ENAM: variants seen among roughly 807,000 people sequenced by gnomAD.
ENAM encodes enamelin, also known as amelogenesis imperfecta 2, hypocalcification (autosomal dominant).
A neutral mutation model predicts 33.6 loss-of-function variants in ENAM; 21 were observed. That is an observed-to-expected ratio of 0.63 (90% CI 0.44 to 0.90). The LOEUF is 0.90. Ranked by LOEUF, ENAM falls within the 40% of genes least tolerant of loss-of-function variation. The pLI is 0.00. For synonymous variants in ENAM, 473 were observed against 468.4 expected (o/e 1.01, Z -0.13); for missense variants, 1,388 against 1,366.9 (o/e 1.02, Z -0.24).
At chr4:70,636,588 G>A (rs1738457096) in intron 7 of ENAM, among the ~76,000 whole-genome samples, 1 of 152,098 alleles carries the variant, frequency 6.6e-6, no homozygotes, top group Non-Finnish European at 1.5e-5. Flanking sequence ...GACCAACAAG[G>A]TGAAACCCCG....
At chr4:70,641,207 T>C (rs1348293390) in intron 8 of ENAM, among the ~76,000 whole-genome samples, 1 of 152,094 alleles carries the variant, frequency 6.6e-6, no homozygotes, top group Non-Finnish European at 1.5e-5. Flanking sequence ...GTGCATTCAG[T>C]TGGAGGTACT....
At position 70,644,238 on chromosome 4, in the gene ENAM, A is replaced by G; in HGVS notation, c.2812A>G (p.Lys938Glu). Reference protein sequence around the residue: ...ILPGQRNSSEKRESQNPFRDD... With the variant: ...ILPGQRNSSEERESQNPFRDD... ...ACCAGGCCAAAGAAACAGCTCAGAG[A>G]AGAGGGAAAGCCAAAACCCTTTTAG... Residue 938 changes from lysine to glutamate, a missense_variant, in exon 9 of 9, where the codon AAG becomes GAG. Coordinates refer to ENST00000396073, the MANE Select transcript of ENAM (RefSeq NM_031889.3). The G allele has an allele frequency of 6.2e-7, 1 of 1,614,170 alleles. No individual in the cohort carries two copies. The highest frequency in any genetic ancestry group is 1.1e-5 in the South Asian group (1 of 91,084).
chr4:70,629,001 G>T (rs1336531356), intron 1 of ENAM, 37 bp downstream of exon 1: 1 of 161,212 alleles, frequency 6.2e-6, no homozygotes, highest in Non-Finnish European at 1.4e-5. Context: ...ATTACATATA[G>T]TGTCAAATAA....
At position 70,644,727 on chromosome 4, in the gene ENAM, A is replaced by C. The variant is rs1738712294; in HGVS notation, c.3301A>C (p.Thr1101Pro). The C allele has an allele frequency of 6.2e-7, 1 of 1,614,038 alleles. No individual in the cohort carries two copies. Among genetic ancestry groups the C allele is most frequent in the Non-Finnish European group, 8.5e-7 (1 of 1,179,900 alleles). ...ENPNTLVELA[T>P]EEQFKSINVD... is the part of the protein sequence containing the mutation. Reference sequence around the variant, plus strand: ...TCCTAACACATTGGTTGAGTTAGCTACTGAGGAACAATTTAAGAGTATAAA... The same window carrying C: ...TCCTAACACATTGGTTGAGTTAGCTCCTGAGGAACAATTTAAGAGTATAAA... Residue 1101 changes from threonine (T) to proline (P), a missense_variant, in exon 9 of 9, where the codon ACT becomes CCT. Coordinates refer to ENST00000396073, the MANE Select transcript of ENAM (RefSeq NM_031889.3).
chr4:70,644,362 A>G lies in ENAM; in HGVS notation c.2936A>G (p.Gln979Arg), dbSNP rs781237163. The G allele has an allele frequency of 4.3e-6, 7 of 1,614,210 alleles. No individual in the cohort carries two copies. Among genetic ancestry groups the G allele is most frequent in the South Asian group, 1.1e-5 (1 of 91,080 alleles). ...IMPFPEASSL[Q>R]SKNTPCLKND... The stretch of plus-strand genomic sequence containing the variant: ...CCCTTTCCTGAAGCCAGTTCCCTTC[A>G]ATCAAAGAATACACCTTGTCTCAAA... Residue 979 changes from glutamine to arginine, a missense_variant, in exon 9 of 9, where the codon CAA becomes CGA. Coordinates refer to ENST00000396073, the MANE Select transcript of ENAM (RefSeq NM_031889.3).
At chr4:70,629,579 C>T in intron 2 of ENAM, 25 bp downstream of exon 2, 1 of 1,547,312 alleles carries the variant, frequency 6.5e-7, no homozygotes, top group South Asian at 1.1e-5. Context: ...TTATTTTTGC[C>T]AATACATACA....
In ENAM at chr4:70,640,680, C is replaced by T. The variant is rs565543856; in HGVS notation, c.589-1335C>T. Reference sequence around the variant, plus strand: ...CCCTCATGACAACCTATGAGGTAGACGTTATTTTATTATCATCTCCATATT... The same window carrying T: ...CCCTCATGACAACCTATGAGGTAGATGTTATTTTATTATCATCTCCATATT... On this transcript the variant is annotated intron_variant, in intron 8 of 8. Coordinates refer to ENST00000396073, the MANE Select transcript of ENAM (RefSeq NM_031889.3). Among the ~76,000 whole-genome samples, 5 of 152,150 alleles carry T rather than the reference C, an allele frequency of 3.3e-5. No homozygotes were observed. In the East Asian group the frequency reaches 5.8e-4, roughly 18 times the overall value.
rs763681329 is a variant in ENAM at position 70,644,525 on chromosome 4, C to T, written c.3099C>T (p.Ile1033=). The T allele has an allele frequency of 2.5e-6, 4 of 1,613,940 alleles. No individual in the cohort carries two copies. The highest frequency in any genetic ancestry group is 3.3e-5 in the Admixed American group (2 of 59,992). ...TPDEGSNPEG[I]QSQVQENESE... is the part of the protein sequence containing the mutation. ...ATGAAGGCTCCAATCCAGAAGGCAT[C>T]CAAAGTCAAGTCCAAGAAAATGAGA... Residue 1033 remains isoleucine, a synonymous_variant, in exon 9 of 9, where the codon ATC becomes ATT. Coordinates refer to ENST00000396073, the MANE Select transcript of ENAM (RefSeq NM_031889.3).
Position 70,643,351 on chromosome 4 carries a change from C to T in ENAM, c.1925C>T (p.Thr642Ile), listed in dbSNP as rs1577973158. The T allele has an allele frequency of 6.2e-7, 1 of 1,614,000 alleles. No individual in the cohort carries two copies. Among genetic ancestry groups the T allele is most frequent in the Non-Finnish European group, 8.5e-7 (1 of 1,179,956 alleles). The change falls in exon 9 of 9, where the codon ACC becomes ATC. Residue 642 changes from threonine (T) to isoleucine (I), a missense_variant. Physicochemically the swap from Thr to Ile is moderately conservative, Grantham distance 89. Coordinates refer to ENST00000396073, the MANE Select transcript of ENAM (RefSeq NM_031889.3). ...QKESPLYPIN[T>I]PDQKEIVPYN... ...GAAAGTCCACTCTACCCCATAAATA[C>T]CCCAGACCAGAAGGAGATAGTCCCT...
intron 1 of ENAM, 92 bp downstream of exon 1, chr4:70,629,056 C>T: frequency 6.0e-6 from 1 of 166,576 alleles, no homozygotes; most frequent in Admixed American, 5.7e-5. Context: ...TATTGCATTC[C>T]TTCTTGTTGG....
At position 70,632,515 on chromosome 4, in the gene ENAM, T is replaced by G. The variant is rs977539695; in HGVS notation, c.169-136T>G. On this transcript the variant is annotated intron_variant, in intron 4 of 8. Transcript: ENST00000396073. The stretch of plus-strand genomic sequence containing the variant: ...GTAGGAAAAGGTGATATGACTGTTG[T>G]GCATTAAAATCAGAAATTTTTACAC... 6.5e-6 allele frequency: 5 copies of G among 766,610 alleles called. No individual in the cohort carries two copies. In the Admixed American group the frequency reaches 8.7e-5, roughly 13 times the overall value. The allele number at this position is 766,610 out of a possible 1,614,324, so 47.5% of individuals were successfully genotyped here. A position where few individuals can be genotyped will look rare whatever the true frequency, so the allele number is the denominator to read the frequency against.
At chr4:70,630,282 G>A (rs1738277545) in intron 2 of ENAM, among the ~76,000 whole-genome samples, 2 of 152,104 alleles carry the variant, frequency 1.3e-5, no homozygotes, top group Non-Finnish European at 2.9e-5. Context: ...TGCTCCTATA[G>A]GAAGTAAACA....
intron 8 of ENAM, among the ~76,000 whole-genome samples, chr4:70,641,544 C>G (rs1738597858): frequency 6.6e-6 from 1 of 151,838 alleles, no homozygotes; most frequent in Non-Finnish European, 1.5e-5. Context: ...CGTGCACCAC[C>G]ATGCCCAGCT....
intron 2 of ENAM, among the ~76,000 whole-genome samples, chr4:70,631,432 C>G (rs1194692344): frequency 6.6e-6 from 1 of 152,156 alleles, no homozygotes; most frequent in East Asian, 1.9e-4. Flanking sequence ...TTCCCTGTCT[C>G]TCTCTCTCAC....
At position 70,634,435 on chromosome 4, in the gene ENAM, A is replaced by G. The variant is rs747989947; in HGVS notation, c.338A>G (p.His113Arg). ...CGGAAATCCTCAGCACCCAAACGTC[A>G]TAACAAGACTGATCAGACCCAAGAA... is the stretch of plus-strand genomic sequence containing the variant. ...HPRKSSAPKR[H>R]NKTDQTQETQ... Residue 113 changes from histidine to arginine, a missense_variant, in exon 6 of 9, where the codon CAT becomes CGT. His to Arg is a conservative substitution (Grantham distance 29). Coordinates refer to ENST00000396073, the MANE Select transcript of ENAM (RefSeq NM_031889.3). 22 of 1,614,170 alleles carry G rather than the reference A, an allele frequency of 1.4e-5. No individual in the cohort carries two copies. The highest frequency in any genetic ancestry group is 1.8e-5 in the Non-Finnish European group (21 of 1,180,022).
At chr4:70,637,256 T>G (rs779121781) in intron 7 of ENAM, among the ~76,000 whole-genome samples, 1 of 152,200 alleles carries the variant, frequency 6.6e-6, no homozygotes, top group Non-Finnish European at 1.5e-5. Flanking sequence ...CAAGTTTGAT[T>G]AGGAGAATTA....
rs1738655353 is a variant in ENAM at position 70,643,353 on chromosome 4, C to T, written c.1927C>T (p.Pro643Ser). 6.2e-7 allele frequency: 1 copy of T among 1,613,870 alleles called. No homozygotes were observed. The highest frequency in any genetic ancestry group is 1.3e-5 in the African/African-American group (1 of 74,896). The change falls in exon 9 of 9, where the codon CCA becomes TCA. Residue 643 changes from proline (P) to serine (S), a missense_variant. Transcript: ENST00000396073. Reference protein sequence around the residue: ...KESPLYPINTPDQKEIVPYNE... With the variant: ...KESPLYPINTSDQKEIVPYNE... ...AAGTCCACTCTACCCCATAAATACC[C>T]CAGACCAGAAGGAGATAGTCCCTTA... is the stretch of plus-strand genomic sequence containing the variant.
intron 8 of ENAM, among the ~76,000 whole-genome samples, chr4:70,638,239 T>A (rs1738507562): frequency 6.6e-6 from 1 of 152,168 alleles, no homozygotes; most frequent in African/African-American, 2.4e-5. Context: ...GCCTTTTTAC[T>A]ATACCACACT....
rs149253347 is a variant in ENAM at position 70,632,842 on chromosome 4, C to G, written c.210+150C>G. On this transcript the variant is annotated intron_variant, in intron 5 of 8. Coordinates refer to ENST00000396073, the MANE Select transcript of ENAM (RefSeq NM_031889.3). ...AGTTTCAAGGTGGAAAAATTATTGC[C>G]CCTATCCTCTCACACCAAATTTTCT... 4,022 of 689,306 alleles carry G rather than the reference C, an allele frequency of 5.8e-3. 24 individuals are homozygous for G. The highest frequency in any genetic ancestry group is 8.6e-3 in the Non-Finnish European group (3,263 of 379,592). 42.7% of individuals were successfully genotyped at this position (689,306 alleles called of 1,614,324 possible).
Sources: gnomAD v4.1 joint callset for allele counts (sites outside exome capture counted in the v4.1 genomes callset) on GRCh38, gnomAD v4.1.1 for gene constraint, MANE v1.5 for transcripts, NCBI Gene and HGNC (gene_info 2026-07-23, HGNC 2026-07-21) for gene names.